EBF1: variants seen among roughly 807,000 people sequenced by gnomAD.
The protein encoded by EBF1 is transcription factor COE1.
In EBF1, 10 loss-of-function variants were observed where a neutral mutation model predicts 68.4. The observed-to-expected ratio is 0.15, with a 90% CI of 0.09 to 0.25. The LOEUF is 0.25. Among genes scored for constraint, EBF1 ranks in the 10% least tolerant of loss-of-function variants. EBF1 has a pLI of 1.00. For synonymous variants in EBF1, 298 were observed against 299.8 expected (o/e 0.99, Z 0.06); for missense variants, 509 against 794.4 (o/e 0.64, Z 4.32).
rs1755852427 is a variant in EBF1 at position 158,696,893 on chromosome 5, CTTTGTTTTT to C, written c.*2209_*2217del. The C allele has an allele frequency of 2.1e-5, 4 of 190,254 alleles. No homozygotes were observed. The South Asian group carries it at 7.9e-4, about 38-fold the overall frequency. The allele number at this position is 190,254 out of a possible 1,614,324, so 11.8% of individuals were successfully genotyped here. On this transcript the variant is annotated 3_prime_UTR_variant, in exon 16 of 16. Transcript: ENST00000313708. ...ACAGTTCTTTTGTGCTTTTCGATTT[CTTTGTTTTT>C]TTTTTTTTCTTTTTTTCTTTTTCTT... is the stretch of plus-strand genomic sequence containing the variant.
Position 158,924,769 on chromosome 5 carries a change from C to T in EBF1, c.555-84659G>A, listed in dbSNP as rs369476953. ...TCCGGAGGCTGAGGCAGGAGAATGG[C>T]GTGAACCCAGGAGGCGCAGCTTGTG... On this transcript the variant is annotated intron_variant, in intron 6 of 15. Transcript: ENST00000313708. Among the ~76,000 whole-genome samples, 9 of 141,470 alleles carry T rather than the reference C, an allele frequency of 6.4e-5. 1 individual carries two copies. The South Asian group carries it at 6.9e-4, about 11-fold the overall frequency. The allele number at this position is 141,470 out of a possible 152,430, so 92.8% of individuals were successfully genotyped here. A position where few individuals can be genotyped will look rare whatever the true frequency, so the allele number is the denominator to read the frequency against.
At chr5:158,968,683 ATGCTG>A (rs1056445214) in intron 6 of EBF1, among the ~76,000 whole-genome samples, 8 of 152,236 alleles carry the variant, frequency 5.3e-5, no homozygotes, top group Non-Finnish European at 8.8e-5. Flanking sequence ...GGGCCTCAAA[ATGCTG>A]TGTAAACATC....
At chr5:158,731,779 A>G (rs780085744) in intron 10 of EBF1, among the ~76,000 whole-genome samples, 36 of 152,274 alleles carry the variant, frequency 2.4e-4, no homozygotes, top group Admixed American at 9.8e-4. Flanking sequence ...TTTCACCAAC[A>G]TTGATATTAT....
intron 9 of EBF1, among the ~76,000 whole-genome samples, chr5:158,787,168 C>T (rs1170522138): frequency 3.3e-5 from 5 of 152,158 alleles, no homozygotes; most frequent in Non-Finnish European, 5.9e-5. Flanking sequence ...TTCAAGGTTG[C>T]CTTATATATA....
At chr5:158,777,671 G>C in intron 9 of EBF1, 132 bp from the exon 10 acceptor site, 1 of 872,034 alleles carries the variant, frequency 1.1e-6, no homozygotes, top group Non-Finnish European at 1.6e-6. Flanking sequence ...AATCTTGATG[G>C]AACCTGCGTG....
At chr5:159,046,006 T>G (rs1772318170) in intron 6 of EBF1, among the ~76,000 whole-genome samples, 1 of 152,160 alleles carries the variant, frequency 6.6e-6, no homozygotes, top group Non-Finnish European at 1.5e-5. Flanking sequence ...TGACCAAGAC[T>G]TCATTATCTC....
chr5:158,802,412 A>G (rs1780768429), intron 8 of EBF1, among the ~76,000 whole-genome samples: 1 of 152,122 alleles, frequency 6.6e-6, no homozygotes. Flanking sequence ...CTAAATCTAA[A>G]TCTCAAGGTG....
Position 158,813,714 on chromosome 5 carries a change from A to C in EBF1, c.778+9462T>G, listed in dbSNP as rs185278491. On this transcript the variant is annotated intron_variant, in intron 8 of 15. Transcript: ENST00000313708. ...GATGAGGAAACAGAGGCCCAGAGAA[A>C]TCAAAGTACATACTCAAAGTCATGT... is the stretch of plus-strand genomic sequence containing the variant. 1.6e-3 allele frequency among the ~76,000 whole-genome samples: 250 copies of C among 152,354 alleles called. 2 individuals carry two copies. The highest frequency in any genetic ancestry group is 2.3e-3 in the Non-Finnish European group (158 of 68,024).
At chr5:159,075,397 T>A (rs912732147) in intron 5 of EBF1, among the ~76,000 whole-genome samples, 18 of 152,170 alleles carry the variant, frequency 1.2e-4, no homozygotes, top group Admixed American at 5.2e-4. Flanking sequence ...CCTTTACCCA[T>A]GGAGGAAAAC....
At chr5:158,814,133 C>G (rs1384481379) in intron 8 of EBF1, among the ~76,000 whole-genome samples, 1 of 152,144 alleles carries the variant, frequency 6.6e-6, no homozygotes, top group African/African-American at 2.4e-5. Context: ...ATTGCTTAAG[C>G]CCGGGCATTG....
intron 10 of EBF1, among the ~76,000 whole-genome samples, chr5:158,771,402 T>C (rs796527273): frequency 6.6e-5 from 10 of 152,256 alleles, no homozygotes; most frequent in East Asian, 1.9e-4. Flanking sequence ...CTATGTTCTA[T>C]GTATGTAAAA....
intron 11 of EBF1, among the ~76,000 whole-genome samples, chr5:158,719,475 T>C (rs1002349978): frequency 1.1e-4 from 17 of 152,312 alleles, no homozygotes; most frequent in Middle Eastern, 3.4e-3. Context: ...TTCTATTTTA[T>C]GAGTTAAAAA....
intron 6 of EBF1, among the ~76,000 whole-genome samples, chr5:158,927,892 T>C (rs918184367): frequency 5.3e-5 from 8 of 152,244 alleles, no homozygotes; most frequent in African/African-American, 1.9e-4. Flanking sequence ...AAGCTCAGGA[T>C]GAGGGTGTTT....
chr5:158,714,307 G>T, intron 11 of EBF1, 125 bp from the exon 12 acceptor site: 1 of 1,041,490 alleles, frequency 9.6e-7, no homozygotes. Flanking sequence ...GCCGTAGCTT[G>T]GGGAACCCCA....
At chr5:159,067,150 G>GT (rs1584389280) in intron 6 of EBF1, among the ~76,000 whole-genome samples, 1 of 152,112 alleles carries the variant, frequency 6.6e-6, no homozygotes, top group Non-Finnish European at 1.5e-5. Flanking sequence ...CTTGGAGAGA[G>GT]TTTTTCCCCC....
At chr5:158,896,573 C>T (rs1419444418) in intron 6 of EBF1, among the ~76,000 whole-genome samples, 2 of 152,214 alleles carry the variant, frequency 1.3e-5, no homozygotes, top group African/African-American at 2.4e-5. Context: ...CTCAAGACCA[C>T]ACAGCTAAGT....
At chr5:159,091,262 C>T (rs1781583701) in intron 4 of EBF1, among the ~76,000 whole-genome samples, 1 of 152,216 alleles carries the variant, frequency 6.6e-6, no homozygotes, top group Non-Finnish European at 1.5e-5. Flanking sequence ...AGTACTAGGC[C>T]ATCTGGCTCC....
intron 10 of EBF1, among the ~76,000 whole-genome samples, chr5:158,746,644 A>G (rs1767635245): frequency 6.6e-6 from 1 of 152,234 alleles, no homozygotes; most frequent in East Asian, 1.9e-4. Context: ...TAAAACCAAC[A>G]AGGAAAAAAA....
chr5:158,785,576 GA>G (rs1396296873), intron 9 of EBF1, among the ~76,000 whole-genome samples: 1 of 152,174 alleles, frequency 6.6e-6, no homozygotes, highest in African/African-American at 2.4e-5. Context: ...CAGAGAACGT[GA>G]GAAAAAGCCA....
Sources: allele counts gnomAD v4.1 joint callset (sites outside exome capture counted in the v4.1 genomes callset), GRCh38; gene constraint gnomAD v4.1.1; transcripts MANE v1.5; gene names NCBI Gene and HGNC (gene_info 2026-07-23, HGNC 2026-07-21).